Variants in ADK observed in about 807,000 individuals in gnomAD.
The protein encoded by ADK is N6,N6-dimethyladenosine kinase.
Under a neutral mutation model 44.7 loss-of-function variants are expected in ADK, and 24 were observed. That is an observed-to-expected ratio of 0.54 (90% CI 0.39 to 0.76). The LOEUF (loss-of-function observed/expected upper bound fraction) is 0.76. Ranked by LOEUF, ADK falls within the 30% of genes least tolerant of loss-of-function variation. The pLI is 0.00. For synonymous variants in ADK, 128 were observed against 142.6 expected (o/e 0.90, Z 0.73); for missense variants, 321 against 425.1 (o/e 0.76, Z 2.15).
chr10:74,229,431 T>A lies in ADK; in HGVS notation c.194+4840T>A, dbSNP rs1844666469. 2.2e-5 allele frequency among the ~76,000 whole-genome samples: 3 copies of A among 136,768 alleles called. No homozygotes were observed. In the Admixed American group the frequency reaches 2.5e-4, roughly 11 times the overall value. 89.7% of individuals were successfully genotyped at this position (136,768 alleles called of 152,430 possible). ...TTTTTTTGGTGAGATGGAGTCTCGC[T>A]CTGTCGCCCAGGCTGGAGTGCAGTG... On this transcript the variant is annotated intron_variant, in intron 3 of 10. Coordinates refer to ENST00000539909, the MANE Select transcript of ADK (RefSeq NM_006721.4).
Position 74,253,766 on chromosome 10 carries a change from C to CTT in ADK, c.194+29193_194+29194dup, listed in dbSNP as rs369449016. 5.9e-3 allele frequency among the ~76,000 whole-genome samples: 736 copies of CTT among 125,020 alleles called. 16 individuals carry two copies. Among genetic ancestry groups the CTT allele is most frequent in the African/African-American group, 8.4e-3 (278 of 33,136 alleles). The allele number at this position is 125,020 out of a possible 152,430, so 82.0% of individuals were successfully genotyped here. A position where few individuals can be genotyped will look rare whatever the true frequency, so the allele number is the denominator to read the frequency against. ...AGCTGATATAAACTCTCTACACTGC[C>CTT]TTTTTTTTTTTTTTTTTTTAAGATG... is the stretch of plus-strand genomic sequence containing the variant. On this transcript the variant is annotated intron_variant, in intron 3 of 10. Coordinates refer to ENST00000539909, the MANE Select transcript of ADK (RefSeq NM_006721.4).
intron 6 of ADK, among the ~76,000 whole-genome samples, chr10:74,501,457 C>T (rs1437119029): frequency 6.6e-6 from 1 of 152,166 alleles, no homozygotes; most frequent in Non-Finnish European, 1.5e-5. Flanking sequence ...ATTTCTGGCT[C>T]ACCAAGATTT....
chr10:74,622,212 T>C (rs1853019288), intron 9 of ADK, among the ~76,000 whole-genome samples: 1 of 152,178 alleles, frequency 6.6e-6, no homozygotes, highest in Non-Finnish European at 1.5e-5. Context: ...TACCACCCAC[T>C]AGAGATTGCA....
chr10:74,686,017 A>G (rs1024486528), intron 10 of ADK, among the ~76,000 whole-genome samples: 1 of 152,004 alleles, frequency 6.6e-6, no homozygotes, highest in African/African-American at 2.4e-5. Context: ...GCTGGAGTGC[A>G]GTGGCGCAAT....
At chr10:74,633,637 C>T (rs562982473) in intron 9 of ADK, among the ~76,000 whole-genome samples, 1 of 152,140 alleles carries the variant, frequency 6.6e-6, no homozygotes, top group African/African-American at 2.4e-5. Flanking sequence ...GTAGGAATAG[C>T]TCATGTCAGA....
At position 74,525,342 on chromosome 10, in the gene ADK, A is replaced by G. The variant is rs761784056; in HGVS notation, c.642A>G (p.Leu214=). 9.3e-6 allele frequency: 15 copies of G among 1,613,526 alleles called. No homozygotes were observed. Among genetic ancestry groups the G allele is most frequent in the African/African-American group, 2.7e-5 (2 of 74,896 alleles). The stretch of plus-strand genomic sequence containing the variant: ...ACAACAGGATTTTCACTTTGAATCT[A>G]TCTGCACCGTTTATTAGCCAGTTCT... ...SENNRIFTLN[L]SAPFISQFYK... Residue 214 remains leucine (L), a synonymous_variant, in exon 7 of 11, where the codon CTA becomes CTG. Transcript: ENST00000539909.
intron 6 of ADK, among the ~76,000 whole-genome samples, chr10:74,487,146 A>T (rs1285031905): frequency 6.6e-6 from 1 of 152,114 alleles, no homozygotes; most frequent in Non-Finnish European, 1.5e-5. Context: ...AAAATCACTA[A>T]TTTTTAAAAA....
intron 3 of ADK, among the ~76,000 whole-genome samples, chr10:74,291,522 T>C (rs1365402103): frequency 6.6e-6 from 1 of 152,110 alleles, no homozygotes; most frequent in African/African-American, 2.4e-5. Context: ...TTATGAGTTA[T>C]AGGTAAGTGG....
intron 6 of ADK, among the ~76,000 whole-genome samples, chr10:74,519,377 T>C (rs947077634): frequency 6.6e-6 from 1 of 151,974 alleles, no homozygotes; most frequent in Non-Finnish European, 1.5e-5. Context: ...CTTATGCTCA[T>C]CATGTACATG....
chr10:74,617,969 C>G (rs1425725986), intron 9 of ADK, among the ~76,000 whole-genome samples: 1 of 152,108 alleles, frequency 6.6e-6, no homozygotes, highest in Admixed American at 6.6e-5. Flanking sequence ...TGCATTGAAC[C>G]TTTTACCTTA....
chr10:74,563,727 T>C (rs1250170593), intron 7 of ADK, among the ~76,000 whole-genome samples: 2 of 152,190 alleles, frequency 1.3e-5, no homozygotes, highest in African/African-American at 2.4e-5. Context: ...CAAAGTAACA[T>C]GAATACCATG....
chr10:74,692,615 A>G (rs1452625226), intron 10 of ADK, among the ~76,000 whole-genome samples: 1 of 152,266 alleles, frequency 6.6e-6, no homozygotes, highest in Non-Finnish European at 1.5e-5. Flanking sequence ...AACTACAGTC[A>G]TGCACCACAT....
At chr10:74,467,099 A>G (rs1308794156) in intron 6 of ADK, among the ~76,000 whole-genome samples, 1 of 152,168 alleles carries the variant, frequency 6.6e-6, no homozygotes, top group African/African-American at 2.4e-5. Context: ...TAGGTTATTG[A>G]TCCAGCAGTG....
chr10:74,585,794 A>G (rs1466558356), intron 7 of ADK, among the ~76,000 whole-genome samples: 7 of 152,200 alleles, frequency 4.6e-5, no homozygotes, highest in African/African-American at 7.2e-5. Context: ...TGACTGCTTC[A>G]TTAGATTTGT....
chr10:74,407,429 T>TTATAA (rs1843987094), intron 6 of ADK, among the ~76,000 whole-genome samples: 2 of 152,362 alleles, frequency 1.3e-5, no homozygotes, highest in South Asian at 4.1e-4. Flanking sequence ...GCTTATGTTG[T>TTATAA]CATGTGCTTT....
chr10:74,577,166 AC>A (rs1851222885), intron 7 of ADK, among the ~76,000 whole-genome samples: 1 of 143,380 alleles, frequency 7.0e-6, no homozygotes, highest in Non-Finnish European at 1.5e-5. Context: ...TCTAACTTGT[AC>A]ATTTGGCCAA....
At chr10:74,261,391 T>C (rs1169975954) in intron 3 of ADK, among the ~76,000 whole-genome samples, 1 of 152,194 alleles carries the variant, frequency 6.6e-6, no homozygotes, top group African/African-American at 2.4e-5. Context: ...CCCTCTATTC[T>C]ACTTTACCAA....
chr10:74,434,459 T>C (rs1393181916), intron 6 of ADK, among the ~76,000 whole-genome samples: 1 of 152,166 alleles, frequency 6.6e-6, no homozygotes, highest in Non-Finnish European at 1.5e-5. Flanking sequence ...TGGTTTTTAT[T>C]TGCAATTCTA....
At chr10:74,489,093 T>TA (rs1454217722) in intron 6 of ADK, among the ~76,000 whole-genome samples, 5 of 151,960 alleles carry the variant, frequency 3.3e-5, no homozygotes, top group Non-Finnish European at 7.4e-5. Context: ...GCTGAGGAAA[T>TA]ATGAGTAAGC....
Sources: allele counts gnomAD v4.1 joint callset (sites outside exome capture counted in the v4.1 genomes callset), GRCh38; gene constraint gnomAD v4.1.1; transcripts MANE v1.5; gene names NCBI Gene and HGNC (gene_info 2026-07-23, HGNC 2026-07-21).